The following COL4A4 variants were observed in gnomAD, a reference collection of about 807,000 sequenced individuals.
The protein encoded by COL4A4 is collagen alpha-4(IV) chain.
A neutral mutation model predicts 192.9 loss-of-function variants in COL4A4; 105 were observed. The observed-to-expected ratio is 0.54, with a 90% CI of 0.46 to 0.64. COL4A4 has a LOEUF of 0.64. Ranked by LOEUF, COL4A4 falls within the 30% of genes least tolerant of loss-of-function variation. The probability of loss-of-function intolerance (pLI) is 0.00; values close to 1 mark genes in which losing one functional copy is unlikely to be tolerated. For synonymous variants in COL4A4, 762 were observed against 769.9 expected (o/e 0.99, Z 0.17); for missense variants, 1,967 against 2,169.3 (o/e 0.91, Z 1.85).
intron 7 of COL4A4, among the ~76,000 whole-genome samples, chr2:227,115,282 T>G (rs997917271): frequency 6.7e-6 from 1 of 148,396 alleles, no homozygotes; most frequent in South Asian, 2.2e-4. Context: ...TTTTTTTTTT[T>G]TTTTTTGAGA....
intron 37 of COL4A4, among the ~76,000 whole-genome samples, chr2:227,041,910 GAAAGA>G (rs1559479386): frequency 2.0e-5 from 3 of 150,922 alleles, no homozygotes; most frequent in African/African-American, 7.4e-5. Context: ...AAGAAAGAAA[GAAAGA>G]AAGAAAGAAA....
In COL4A4 at chr2:227,051,717, A is replaced by G. The variant is rs78392463; in HGVS notation, c.2969-559T>C. ...AGGCACTGGTCACAATGACTTGAACAGTCATTGCGCTATTCACTTTAAAAC... is the reference window on the plus strand; with the variant it reads ...AGGCACTGGTCACAATGACTTGAACGGTCATTGCGCTATTCACTTTAAAAC... On this transcript the variant is annotated intron_variant, in intron 32 of 47. Transcript: ENST00000396625. Among the ~76,000 whole-genome samples, 715 of 152,306 alleles carry G rather than the reference A, an allele frequency of 4.7e-3. 7 individuals are homozygous for G. Among genetic ancestry groups the G allele is most frequent in the African/African-American group, 0.016 (672 of 41,562 alleles).
rs998457377 is a variant in COL4A4, at chr2:227,050,137, A to C, written c.3151-6T>G. On this transcript the variant is annotated splice_polypyrimidine_tract_variant and splice_region_variant and intron_variant, in intron 33 of 47. Transcript: ENST00000396625. ...CCTGGAGAACCTGGCTCACCCTGAC[A>C]GTTTAATGAAACAAAAGGCCTTAAT... 2 of 1,613,744 alleles carry C rather than the reference A, an allele frequency of 1.2e-6. No individual in the cohort carries two copies.
chr2:227,075,159 C>G (rs2150438773), intron 25 of COL4A4, among the ~76,000 whole-genome samples: 1 of 152,198 alleles, frequency 6.6e-6, no homozygotes, highest in East Asian at 1.9e-4. Context: ...TTTATGAGGC[C>G]AGCATCATCC....
chr2:227,164,405 G>A, upstream of COL4A4: 1 of 472,696 alleles, frequency 2.1e-6, no homozygotes, highest in Non-Finnish European at 3.8e-6. This position sits in a 1 kb window ranked among gnomAD's most constrained non-coding sequence, Gnocchi z 4.8. Flanking sequence ...CCCTGGATCC[G>A]CGCCCACCTG....
At chr2:227,094,342 CTG>C (rs1395748999) in intron 19 of COL4A4, 53 bp from the exon 20 acceptor site, 9 of 1,565,526 alleles carry the variant, frequency 5.7e-6, no homozygotes, top group Admixed American at 1.8e-5. Context: ...GTAAACGTCT[CTG>C]TAGAAGAAAT....
At chr2:227,052,010 T>G (rs948645165) in intron 32 of COL4A4, among the ~76,000 whole-genome samples, 2 of 151,944 alleles carry the variant, frequency 1.3e-5, no homozygotes, top group African/African-American at 4.8e-5. Flanking sequence ...GCCAACATGG[T>G]GAAACCCCCA....
the COL4A4 span, among the ~76,000 whole-genome samples, chr2:226,993,253 C>A: frequency 5.3e-5 from 8 of 152,356 alleles, no homozygotes; most frequent in African/African-American, 1.9e-4. Flanking sequence ...GTGTTTCCCT[C>A]TGGGAGTCTC....
intron 23 of COL4A4, 100 bp downstream of exon 23, chr2:227,082,015 G>T: frequency 1.9e-6 from 2 of 1,034,658 alleles, no homozygotes; most frequent in Non-Finnish European, 3.1e-6. Flanking sequence ...ATCCTAAATT[G>T]TATAGAATTG....
intron 37 of COL4A4, among the ~76,000 whole-genome samples, chr2:227,041,717 G>A (rs181410411): frequency 3.0e-4 from 27 of 90,926 alleles, no homozygotes; most frequent in African/African-American, 1.3e-3. Context: ...GGAAGGAAGG[G>A]AGGAGGAAGG....
rs577593983 is a variant in COL4A4 at position 227,064,948 on chromosome 2, G to A, written c.1988-2350C>T. The stretch of plus-strand genomic sequence containing the variant: ...CCAGCGCGCGCGACGCAGAAGACGG[G>A]TGATTTCTGCATTTCCATCTGAGGT... On this transcript the variant is annotated intron_variant, in intron 25 of 47. Transcript: ENST00000396625. Among the ~76,000 whole-genome samples, 3 of 152,330 alleles carry A rather than the reference G, an allele frequency of 2.0e-5. No individual in the cohort carries two copies. The East Asian group carries it at 5.8e-4, about 29-fold the overall frequency.
chr2:227,080,329 A>G, intron 24 of COL4A4, 114 bp downstream of exon 24: 1 of 960,828 alleles, frequency 1.0e-6, no homozygotes, highest in Non-Finnish European at 1.7e-6. Context: ...TCTGATTTAT[A>G]GTATGTTGAT....
At chr2:227,065,559 G>A (rs908113533) in intron 25 of COL4A4, among the ~76,000 whole-genome samples, 13 of 152,206 alleles carry the variant, frequency 8.5e-5, no homozygotes, top group African/African-American at 3.1e-4. Flanking sequence ...CTCCTCAAGT[G>A]GGTCCCTGAC....
At position 227,027,491 on chromosome 2, in the gene COL4A4, G is replaced by C. The variant is rs182855698; in HGVS notation, c.4081+411C>G. ...GGGGCCTGTTGTGGAGTGGGAGGAG[G>C]GGGGAGGGGGGAGGGATAGCATTAG... On this transcript the variant is annotated intron_variant, in intron 42 of 47. Coordinates refer to ENST00000396625, the MANE Select transcript of COL4A4 (RefSeq NM_000092.5). Among the ~76,000 whole-genome samples, 465 of 140,888 alleles carry C rather than the reference G, an allele frequency of 3.3e-3. 4 individuals carry two copies. Among genetic ancestry groups the C allele is most frequent in the Non-Finnish European group, 6.0e-3 (392 of 65,266 alleles). The allele number at this position is 140,888 out of a possible 152,430, so 92.4% of individuals were successfully genotyped here.
intron 37 of COL4A4, among the ~76,000 whole-genome samples, chr2:227,034,392 G>A (rs1969105741): frequency 6.6e-6 from 1 of 152,074 alleles, no homozygotes; most frequent in South Asian, 2.1e-4. Flanking sequence ...TATTTATCGA[G>A]CATCTCCAGG....
intron 1 of COL4A4, among the ~76,000 whole-genome samples, chr2:227,155,178 AC>A (rs1341330846): frequency 6.9e-6 from 1 of 145,974 alleles, no homozygotes; most frequent in Non-Finnish European, 1.5e-5. Context: ...GGCCAAGCCC[AC>A]CCCCACCTTT....
At chr2:226,976,442 A>T in the COL4A4 span, among the ~76,000 whole-genome samples, 78 of 152,052 alleles carry the variant, frequency 5.1e-4, no homozygotes, top group African/African-American at 1.8e-3. Flanking sequence ...GTTGTAAATT[A>T]TCAAAATGTG....
At chr2:227,113,100 T>C (rs1576605964) in intron 8 of COL4A4, among the ~76,000 whole-genome samples, 2 of 152,246 alleles carry the variant, frequency 1.3e-5, no homozygotes, top group South Asian at 2.1e-4. Flanking sequence ...CTGGATCATA[T>C]AGTAATTCTA....
At chr2:226,995,630 C>T in the COL4A4 span, 4 of 782,040 alleles carry the variant, frequency 5.1e-6, no homozygotes, top group African/African-American at 1.7e-5. Flanking sequence ...GCAGAGTACA[C>T]CGGTATTGCT....
Sources: allele counts gnomAD v4.1 joint callset (sites outside exome capture counted in the v4.1 genomes callset), GRCh38; gene constraint gnomAD v4.1.1; non-coding constraint Gnocchi (gnomAD v3.1); transcripts MANE v1.5; gene names NCBI Gene and HGNC (gene_info 2026-07-23, HGNC 2026-07-21).